PCED1B: variants seen among roughly 807,000 people sequenced by gnomAD.
PCED1B encodes the protein PC-esterase domain-containing protein 1B.
For missense variants in PCED1B, 573 were observed against 573.9 expected (o/e 1.00, Z 0.02); for synonymous variants, 251 against 246.1 (o/e 1.02, Z -0.19).
chr12:47,118,629 C>T lies in PCED1B; in HGVS notation c.-526+14434C>T, dbSNP rs1939539518. Among the ~76,000 whole-genome samples, 3 of 152,130 alleles carry T rather than the reference C, an allele frequency of 2.0e-5. No individual in the cohort carries two copies. The South Asian group carries it at 6.2e-4, about 32-fold the overall frequency. ...TAGTTTGAAGTCAGGTAGCATGATG[C>T]CCCCAGCTTTGTTCTTTTGGCTTAG... On this transcript the variant is annotated intron_variant, in intron 2 of 3. Transcript: ENST00000546455.
At position 47,153,186 on chromosome 12, in the gene PCED1B, G is replaced by A. The variant is rs1479176361; in HGVS notation, c.-526+48991G>A. Among the ~76,000 whole-genome samples, 12 of 149,768 alleles carry A rather than the reference G, an allele frequency of 8.0e-5. No homozygotes were observed. In the East Asian group the frequency reaches 1.0e-3, roughly 13 times the overall value. Reference sequence around the variant, plus strand: ...AACACGGTGAAACCCTGTCTCTACTGAAAATACAAAAAAATTAGCTGGGTG... The same window carrying A: ...AACACGGTGAAACCCTGTCTCTACTAAAAATACAAAAAAATTAGCTGGGTG... On this transcript the variant is annotated intron_variant, in intron 2 of 3. Transcript: ENST00000546455.
intron 1 of PCED1B, among the ~76,000 whole-genome samples, chr12:47,093,671 G>GT (rs202170719): frequency 9.3e-5 from 14 of 151,060 alleles, no homozygotes; most frequent in African/African-American, 2.7e-4. Context: ...ACTAATTTCT[G>GT]TTTTTTTTCT....
intron 1 of PCED1B, among the ~76,000 whole-genome samples, chr12:47,089,472 A>ATATATG (rs1938162252): frequency 2.0e-5 from 2 of 100,580 alleles, no homozygotes; most frequent in African/African-American, 4.8e-5. Flanking sequence ...ATATATATAT[A>ATATATG]TATATATATA....
chr12:47,182,895 T>G (rs7311824), intron 2 of PCED1B, among the ~76,000 whole-genome samples: 89,607 of 151,852 alleles, frequency 0.59, 27,392 homozygotes, highest in South Asian at 0.71. Flanking sequence ...AAACAAACAA[T>G]ATTTTGAAAC....
intron 3 of PCED1B, among the ~76,000 whole-genome samples, chr12:47,231,176 A>T (rs1391561676): frequency 6.6e-6 from 1 of 152,192 alleles, no homozygotes; most frequent in South Asian, 2.1e-4. Flanking sequence ...TTGGAACCAA[A>T]TTAATGCAAG....
chr12:47,121,290 T>C (rs1184852756), intron 2 of PCED1B, among the ~76,000 whole-genome samples: 4 of 152,194 alleles, frequency 2.6e-5, no homozygotes, highest in Non-Finnish European at 5.9e-5. Context: ...TTCTCACTTG[T>C]TTTTGCATGG....
At chr12:47,079,866 G>C (rs965401691) in intron 1 of PCED1B, 141 bp downstream of exon 1, 1 of 150,606 alleles carries the variant, frequency 6.6e-6, no homozygotes, top group African/African-American at 2.4e-5. Context: ...TGCAGGACCC[G>C]GGGTTCCCGC....
intron 3 of PCED1B, among the ~76,000 whole-genome samples, chr12:47,229,981 A>G (rs557441742): frequency 7.2e-4 from 107 of 147,962 alleles, no homozygotes; most frequent in Non-Finnish European, 1.3e-4. Flanking sequence ...TCACCGTGTT[A>G]GCCAGGATGG....
At chr12:47,143,194 TA>T (rs1940659384) in intron 2 of PCED1B, among the ~76,000 whole-genome samples, 1 of 152,020 alleles carries the variant, frequency 6.6e-6, no homozygotes, top group South Asian at 2.1e-4. Context: ...CTATTCAGTA[TA>T]GTATTGGAAG....
chr12:47,137,763 AC>A (rs1294015354), intron 2 of PCED1B, among the ~76,000 whole-genome samples: 10 of 149,274 alleles, frequency 6.7e-5, no homozygotes, highest in African/African-American at 1.5e-4. Flanking sequence ...AAAAAAAAAA[AC>A]AACCCAAAAA....
intron 2 of PCED1B, among the ~76,000 whole-genome samples, chr12:47,205,322 T>C (rs1285157115): frequency 1.3e-5 from 2 of 152,186 alleles, no homozygotes; most frequent in African/African-American, 4.8e-5. Context: ...CCTCAAGCAC[T>C]GATCTTAGGT....
chr12:47,236,114 G>A lies in PCED1B; in HGVS notation c.1051G>A (p.Asp351Asn). 1 of 1,614,080 alleles carries A rather than the reference G, an allele frequency of 6.2e-7. No individual in the cohort carries two copies. Among genetic ancestry groups the A allele is most frequent in the South Asian group, 1.1e-5 (1 of 91,074 alleles). Reference sequence around the variant, plus strand: ...TTCCTCAGACCATACTTTCCAGTCGGATCAATTCTATTGCCATTCAGATGT... The same window carrying A: ...TTCCTCAGACCATACTTTCCAGTCGAATCAATTCTATTGCCATTCAGATGT... ...CFSSDHTFQSDQFYCHSDVPS... is the reference protein window; with the variant it reads ...CFSSDHTFQSNQFYCHSDVPS... The change falls in exon 4 of 4, where the codon GAT becomes AAT. Residue 351 changes from aspartate (D) to asparagine (N), a missense_variant. Transcript: ENST00000546455.
chr12:47,193,772 C>G (rs1196327029), intron 2 of PCED1B, among the ~76,000 whole-genome samples: 1 of 152,196 alleles, frequency 6.6e-6, no homozygotes, highest in Admixed American at 6.5e-5. Context: ...CAAATAGTCT[C>G]CAAGATTCTA....
chr12:47,185,505 G>C lies in PCED1B; in HGVS notation c.-525-30717G>C, dbSNP rs113415209. Among the ~76,000 whole-genome samples, 853 of 152,280 alleles carry C rather than the reference G, an allele frequency of 5.6e-3. 8 individuals carry two copies. Among genetic ancestry groups the C allele is most frequent in the African/African-American group, 0.02 (839 of 41,558 alleles). On this transcript the variant is annotated intron_variant, in intron 2 of 3. Coordinates refer to ENST00000546455, the MANE Select transcript of PCED1B (RefSeq NM_138371.3). ...AGGGAAAATTAGACTGCATATTAGAGTGGCCCGGCACGGTGGCTCACACCT... is the reference window on the plus strand; with the variant it reads ...AGGGAAAATTAGACTGCATATTAGACTGGCCCGGCACGGTGGCTCACACCT...
chr12:47,199,825 A>T (rs1269763513), intron 2 of PCED1B, among the ~76,000 whole-genome samples: 2 of 152,232 alleles, frequency 1.3e-5, no homozygotes, highest in Non-Finnish European at 2.9e-5. Flanking sequence ...GTGAATTTGT[A>T]GCTTCAACAC....
chr12:47,098,804 G>T (rs1938585087), intron 1 of PCED1B, among the ~76,000 whole-genome samples: 1 of 152,128 alleles, frequency 6.6e-6, no homozygotes, highest in Non-Finnish European at 1.5e-5. Flanking sequence ...TAAAAGCAAA[G>T]AGACTCAAAA....
At chr12:47,182,323 G>A (rs761661703) in intron 2 of PCED1B, among the ~76,000 whole-genome samples, 12 of 152,146 alleles carry the variant, frequency 7.9e-5, no homozygotes, top group African/African-American at 2.2e-4. Flanking sequence ...GCCCTGGCAC[G>A]GTTGCTCAGC....
In PCED1B at chr12:47,235,373, A is replaced by G. The variant is rs1943943336; in HGVS notation, c.310A>G (p.Thr104Ala). 1 of 1,614,124 alleles carries G rather than the reference A, an allele frequency of 6.2e-7. No individual in the cohort carries two copies. The highest frequency in any genetic ancestry group is 1.1e-5 in the South Asian group (1 of 91,082). ...LTRVYSDYLQ[T>A]ILKELQSGEH... ...CCGCGTGTACTCCGATTACCTCCAG[A>G]CCATCTTGAAAGAGCTGCAGTCGGG... Residue 104 changes from threonine (T) to alanine (A), a missense_variant, in exon 4 of 4, where the codon ACC (threonine) becomes GCC (alanine). Coordinates refer to ENST00000546455, the MANE Select transcript of PCED1B (RefSeq NM_138371.3).
In PCED1B at chr12:47,216,647, T is replaced by C. The variant is rs1943267876; in HGVS notation, c.-100T>C. 1 of 152,200 alleles carries C rather than the reference T, an allele frequency of 6.6e-6. No individual in the cohort carries two copies. The highest frequency in any genetic ancestry group is 6.5e-5 in the Admixed American group (1 of 15,276). The allele number at this position is 152,200 out of a possible 1,614,324, so 9.4% of individuals were successfully genotyped here. A position where few individuals can be genotyped will look rare whatever the true frequency, so the allele number is the denominator to read the frequency against. ...AGCTATCTAGGGACGAGATCTAGAA[T>C]CAACTGAGAGAGATGCTTAAAAATC... On this transcript the variant is annotated 5_prime_UTR_variant, in exon 3 of 4. Coordinates refer to ENST00000546455, the MANE Select transcript of PCED1B (RefSeq NM_138371.3).
Sources: allele counts gnomAD v4.1 joint callset (sites outside exome capture counted in the v4.1 genomes callset), GRCh38; gene constraint gnomAD v4.1.1; transcripts MANE v1.5; gene names NCBI Gene and HGNC (gene_info 2026-07-23, HGNC 2026-07-21).